Variants in FBXO45 observed in about 807,000 individuals in gnomAD.
FBXO45 encodes the protein F-box protein 45.
Under a neutral mutation model 25.5 loss-of-function variants are expected in FBXO45, and 3 were observed. The observed-to-expected ratio is 0.12, with a 90% CI of 0.05 to 0.30. The LOEUF is 0.30. Among genes scored for constraint, FBXO45 ranks in the 10% least tolerant of loss-of-function variants. The probability of loss-of-function intolerance (pLI) is 1.00; values close to 1 mark genes in which losing one functional copy is unlikely to be tolerated. For missense variants in FBXO45, 219 were observed against 365.0 expected (o/e 0.60, Z 3.26); for synonymous variants, 155 against 149.8 (o/e 1.03, Z -0.25).
At chr3:196,582,816 A>G (rs1736036828) in intron 2 of FBXO45, among the ~76,000 whole-genome samples, 1 of 152,210 alleles carries the variant, frequency 6.6e-6, no homozygotes, top group South Asian at 2.1e-4. Context: ...ATGATTCCAC[A>G]TTACATGTGG....
At chr3:196,572,179 G>A (rs899357168) in intron 1 of FBXO45, among the ~76,000 whole-genome samples, 1 of 152,072 alleles carries the variant, frequency 6.6e-6, no homozygotes, top group Non-Finnish European at 1.5e-5. Flanking sequence ...TAAAGGGTTT[G>A]TACAACATAT....
At chr3:196,573,069 G>A (rs994692560) in intron 1 of FBXO45, among the ~76,000 whole-genome samples, 2 of 152,244 alleles carry the variant, frequency 1.3e-5, no homozygotes, top group South Asian at 2.1e-4. Flanking sequence ...CTACAGGCAT[G>A]TGCCACCATG....
intron 1 of FBXO45, among the ~76,000 whole-genome samples, chr3:196,572,308 G>A (rs1295837509): frequency 6.6e-6 from 1 of 152,206 alleles, no homozygotes; most frequent in Non-Finnish European, 1.5e-5. Flanking sequence ...GTCTAGTAGG[G>A]GAAATGGATA....
At chr3:196,573,477 T>C (rs1735862150) in intron 1 of FBXO45, among the ~76,000 whole-genome samples, 1 of 151,996 alleles carries the variant, frequency 6.6e-6, no homozygotes, top group Non-Finnish European at 1.5e-5. Flanking sequence ...CATAGATGAG[T>C]TGGAGAGGGC....
At chr3:196,583,068 A>G (rs988599710) in intron 2 of FBXO45, among the ~76,000 whole-genome samples, 2 of 152,016 alleles carry the variant, frequency 1.3e-5, no homozygotes, top group African/African-American at 4.8e-5. Flanking sequence ...AACTATATAT[A>G]TTTGAGTATT....
chr3:196,577,545 T>C lies in FBXO45; in HGVS notation c.411T>C (p.Ile137=). The change falls in exon 2 of 3, where the codon ATT becomes ATC. Residue 137 remains isoleucine, a synonymous_variant. Transcript: ENST00000311630. The part of the protein sequence containing the change: ...KNGFTLHRNP[I]AQSTDGARTK... Reference sequence around the variant, plus strand: ...GCTTTACTTTACATCGAAACCCCATTGCTCAGAGCACTGATGGTGCAAGGA... The same window carrying C: ...GCTTTACTTTACATCGAAACCCCATCGCTCAGAGCACTGATGGTGCAAGGA... 1 of 1,614,052 alleles carries C rather than the reference T, an allele frequency of 6.2e-7. No individual in the cohort carries two copies. The highest frequency in any genetic ancestry group is 8.5e-7 in the Non-Finnish European group (1 of 1,179,904).
chr3:196,576,107 C>G (rs1735909620), intron 1 of FBXO45, among the ~76,000 whole-genome samples: 2 of 152,214 alleles, frequency 1.3e-5, no homozygotes, highest in South Asian at 4.1e-4. Flanking sequence ...AAATAGTTCT[C>G]TGTTTTTAAA....
chr3:196,579,226 T>C (rs1382053191), intron 2 of FBXO45, among the ~76,000 whole-genome samples: 2 of 152,350 alleles, frequency 1.3e-5, no homozygotes, highest in Non-Finnish European at 2.9e-5. Flanking sequence ...TTTAAAGAAC[T>C]ATAGATTGCA....
chr3:196,584,482 C>A lies in FBXO45; in HGVS notation c.*164C>A, dbSNP rs567933145. 8.0e-6 allele frequency: 5 copies of A among 623,838 alleles called. No homozygotes were observed. Among genetic ancestry groups the A allele is most frequent in the Non-Finnish European group, 1.3e-5 (5 of 387,342 alleles). 38.6% of individuals were successfully genotyped at this position (623,838 alleles called of 1,614,324 possible). On this transcript the variant is annotated 3_prime_UTR_variant, in exon 3 of 3. Transcript: ENST00000311630. The surrounding 1 kb of genome is among the most constrained non-coding windows in gnomAD (Gnocchi z 4.3). ...TACAGCAGAGATTATCTTCGTGTTT[C>A]CTCTTTCTACTGGGCCAGAAAAATC...
intron 2 of FBXO45, among the ~76,000 whole-genome samples, chr3:196,579,434 A>G (rs1455515510): frequency 6.6e-6 from 1 of 152,212 alleles, no homozygotes; most frequent in Non-Finnish European, 1.5e-5. Flanking sequence ...AGACTTTATC[A>G]CTAAAAACGA....
rs1026685606 is a variant in FBXO45 at position 196,587,495 on chromosome 3, GAA to G, written c.*3179_*3180del. 1.7e-4 allele frequency: 26 copies of G among 152,332 alleles called. No individual in the cohort carries two copies. Among genetic ancestry groups the G allele is most frequent in the African/African-American group, 5.8e-4 (24 of 41,568 alleles). The allele number at this position is 152,332 out of a possible 1,614,324, so 9.4% of individuals were successfully genotyped here. The stretch of plus-strand genomic sequence containing the variant: ...TGCCTTTTAGAATTATTTGACTGGA[GAA>G]AGAGTTTCAAAAATAGCAGAGCCCT... On this transcript the variant is annotated 3_prime_UTR_variant, in exon 3 of 3. Coordinates refer to ENST00000311630, the MANE Select transcript of FBXO45 (RefSeq NM_001105573.2).
At chr3:196,572,942 G>C (rs1735852978) in intron 1 of FBXO45, among the ~76,000 whole-genome samples, 1 of 151,832 alleles carries the variant, frequency 6.6e-6, no homozygotes, top group Non-Finnish European at 1.5e-5. Flanking sequence ...TTTTTTTTGA[G>C]ATGAGGTCTT....
chr3:196,577,947 T>C (rs1735942110), intron 2 of FBXO45, 138 bp downstream of exon 2: 1 of 465,744 alleles, frequency 2.1e-6, no homozygotes, highest in South Asian at 8.3e-5. Context: ...TTTTTTCAGA[T>C]ACCCAGACTT....
At chr3:196,582,116 A>G (rs7653049) in intron 2 of FBXO45, among the ~76,000 whole-genome samples, 4,294 of 152,284 alleles carry the variant, frequency 0.028, 167 homozygotes, top group African/African-American at 0.087. Flanking sequence ...GTTTTACCCC[A>G]GCACCTAAAG....
chr3:196,579,448 C>G (rs1195739837), intron 2 of FBXO45, among the ~76,000 whole-genome samples: 2 of 152,176 alleles, frequency 1.3e-5, no homozygotes, highest in Non-Finnish European at 2.9e-5. Context: ...AAAACGAAGT[C>G]CTGTCGCCAC....
Position 196,584,114 on chromosome 3 carries a change from T to G in FBXO45, c.676-19T>G. On this transcript the variant is annotated intron_variant, in intron 2 of 2. Transcript: ENST00000311630. The surrounding 1 kb of genome is among the most constrained non-coding windows in gnomAD (Gnocchi z 4.3). ...ACCCTTGGCAGATTTTCTTCTAACCTTTTGATATCTGTTTGCAGATAGGAG... is the reference window on the plus strand; with the variant it reads ...ACCCTTGGCAGATTTTCTTCTAACCGTTTGATATCTGTTTGCAGATAGGAG... The G allele has an allele frequency of 6.2e-7, 1 of 1,609,822 alleles. No individual in the cohort carries two copies. Among genetic ancestry groups the G allele is most frequent in the South Asian group, 1.1e-5 (1 of 90,140 alleles).
At position 196,568,679 on chromosome 3, in the gene FBXO45, A is replaced by C. The variant is rs1219847687; in HGVS notation, c.-306A>C. 6.6e-6 allele frequency: 1 copy of C among 152,284 alleles called. No individual in the cohort carries two copies. The highest frequency in any genetic ancestry group is 1.5e-5 in the Non-Finnish European group (1 of 68,132). The allele number at this position is 152,284 out of a possible 1,614,324, so 9.4% of individuals were successfully genotyped here. On this transcript the variant is annotated 5_prime_UTR_variant, in exon 1 of 3. Coordinates refer to ENST00000311630, the MANE Select transcript of FBXO45 (RefSeq NM_001105573.2). ...GCGTGCGCCCTTGCTTCGTGCCCTC[A>C]ACCCGCATGGCGGAGCCGCTGGCGC...
Position 196,587,805 on chromosome 3 carries a change from T to G in FBXO45, c.*3487T>G, listed in dbSNP as rs1413117774. Reference sequence around the variant, plus strand: ...ACTTAGGGAGTGGTGTGTGTGTTTCTTTTTTGGAGACAGAGTCACGCAGGC... The same window carrying G: ...ACTTAGGGAGTGGTGTGTGTGTTTCGTTTTTGGAGACAGAGTCACGCAGGC... On this transcript the variant is annotated 3_prime_UTR_variant, in exon 3 of 3. Transcript: ENST00000311630. The G allele has an allele frequency of 6.6e-6, 1 of 152,200 alleles. No individual in the cohort carries two copies. The highest frequency in any genetic ancestry group is 1.5e-5 in the Non-Finnish European group (1 of 68,056). 9.4% of individuals were successfully genotyped at this position (152,200 alleles called of 1,614,324 possible).
intron 2 of FBXO45, among the ~76,000 whole-genome samples, chr3:196,581,039 G>A (rs1465120232): frequency 1.3e-5 from 2 of 152,098 alleles, no homozygotes; most frequent in African/African-American, 4.8e-5. Flanking sequence ...GCCTGCCTCA[G>A]TCTCCCAAAG....
Sources: gnomAD v4.1 joint callset for allele counts (sites outside exome capture counted in the v4.1 genomes callset) on GRCh38, gnomAD v4.1.1 for gene constraint, Gnocchi (gnomAD v3.1) non-coding constraint, MANE v1.5 for transcripts, NCBI Gene and HGNC (gene_info 2026-07-23, HGNC 2026-07-21) for gene names.